ZFHX4: variants seen among roughly 807,000 people sequenced by gnomAD.
The protein encoded by ZFHX4 is zinc finger homeobox protein 4.
In ZFHX4, 56 loss-of-function variants were observed where a neutral mutation model predicts 267.6. The observed-to-expected ratio is 0.21, with a 90% CI of 0.17 to 0.26. The LOEUF is 0.26. ZFHX4 is among the 10% of genes least tolerant of loss of function. The pLI is 1.00. For synonymous variants in ZFHX4, 1,778 were observed against 1,665.6 expected (o/e 1.07, Z -1.64); for missense variants, 4,332 against 4,420.0 (o/e 0.98, Z 0.56).
rs186850472 is a variant in ZFHX4, at chr8:76,854,513, G to A, written c.7592G>A (p.Arg2531Lys). 196 of 1,613,780 alleles carry A rather than the reference G, an allele frequency of 1.2e-4. No individual in the cohort carries two copies. The African/African-American group carries it at 2.3e-3, about 19-fold the overall frequency. Residue 2531 changes from arginine to lysine, a missense_variant, in exon 10 of 11, where the codon AGG (arginine) becomes AAG (lysine). Physicochemically the swap from Arg to Lys is conservative, Grantham distance 26. This residue lies in a region of ZFHX4 where 1,648 missense variants were observed against 1,625.0 expected (regional missense o/e 1.01). Transcript: ENST00000651372. ...TTCCTTCACTCTCCGTTCTTGGAAAGGCCCATGGACATGCCCTACATGATA... is the reference window on the plus strand; with the variant it reads ...TTCCTTCACTCTCCGTTCTTGGAAAAGCCCATGGACATGCCCTACATGATA... ...NQFLHSPFLERPMDMPYMIFD... is the reference protein window; with the variant it reads ...NQFLHSPFLEKPMDMPYMIFD...
intron 4 of ZFHX4, among the ~76,000 whole-genome samples, chr8:76,811,202 A>G (rs1811369235): frequency 1.3e-5 from 2 of 152,192 alleles, no homozygotes; most frequent in African/African-American, 4.8e-5. Context: ...AGAGCCCCAC[A>G]TGACAGTTTT....
chr8:76,851,899 A>G lies in ZFHX4; in HGVS notation c.4978A>G (p.Ser1660Gly). ...LDSMSLAAVN[S>G]KDTHLDAKEL... Reference sequence around the variant, plus strand: ...TTCCATGAGTTTAGCAGCTGTAAACAGCAAAGATACCCATTTAGATGCCAA... The same window carrying G: ...TTCCATGAGTTTAGCAGCTGTAAACGGCAAAGATACCCATTTAGATGCCAA... The change falls in exon 10 of 11, where the codon AGC (serine) becomes GGC (glycine). Residue 1660 changes from serine to glycine, a missense_variant. Coordinates refer to ENST00000651372, the MANE Select transcript of ZFHX4 (RefSeq NM_024721.5). The G allele has an allele frequency of 6.2e-7, 1 of 1,614,018 alleles. No homozygotes were observed. The highest frequency in any genetic ancestry group is 8.5e-7 in the Non-Finnish European group (1 of 1,179,870).
intron 3 of ZFHX4, among the ~76,000 whole-genome samples, chr8:76,717,346 G>A (rs751820848): frequency 6.6e-6 from 1 of 152,146 alleles, no homozygotes; most frequent in Non-Finnish European, 1.5e-5. Context: ...AAAGCCCAAA[G>A]TCTTGATAGA....
chr8:76,709,802 CGTGTGTGTGTGT>C (rs34448728), intron 3 of ZFHX4, among the ~76,000 whole-genome samples: 4 of 140,090 alleles, frequency 2.9e-5, no homozygotes, highest in Non-Finnish European at 4.7e-5. Context: ...CGTGTGTGTG[CGTGTGTGTGTGT>C]GTGTGTGTGT....
intron 10 of ZFHX4, among the ~76,000 whole-genome samples, chr8:76,861,895 C>T (rs1199950100): frequency 6.6e-6 from 1 of 151,756 alleles, no homozygotes; most frequent in Non-Finnish European, 1.5e-5. Context: ...AAACTTTATT[C>T]ACCTTCTCCT....
At chr8:76,728,507 G>A (rs1182144075) in intron 3 of ZFHX4, among the ~76,000 whole-genome samples, 1 of 152,196 alleles carries the variant, frequency 6.6e-6, no homozygotes, top group African/African-American at 2.4e-5. Context: ...AAATCAGTGA[G>A]TGAAAAAGAA....
At chr8:76,727,925 C>A (rs577651479) in intron 3 of ZFHX4, among the ~76,000 whole-genome samples, 1 of 152,256 alleles carries the variant, frequency 6.6e-6, no homozygotes, top group African/African-American at 2.4e-5. Flanking sequence ...CCTGATAGAA[C>A]TTCACCTCAC....
intron 1 of ZFHX4, 103 bp downstream of exon 1, chr8:76,681,723 C>T: frequency 2.9e-6 from 1 of 347,172 alleles, no homozygotes. Flanking sequence ...ATATTTCGCT[C>T]CCTCTCTCTC....
intron 4 of ZFHX4, 76 bp downstream of exon 4, chr8:76,778,515 A>C (rs1585935135): frequency 2.5e-6 from 3 of 1,177,840 alleles, no homozygotes; most frequent in Admixed American, 1.7e-5. Context: ...ACACAAACAC[A>C]CACACACACG....
At chr8:76,835,249 A>ATATATATATATG (rs1812060137) in intron 5 of ZFHX4, among the ~76,000 whole-genome samples, 1 of 93,968 alleles carries the variant, frequency 1.1e-5, no homozygotes, top group Non-Finnish European at 2.1e-5. Context: ...ATGTATATAT[A>ATATATATATATG]TATATATATA....
In ZFHX4 at chr8:76,852,051, G is replaced by T. The variant is rs1812543310; in HGVS notation, c.5130G>T (p.Gln1710His). 2 of 1,613,856 alleles carry T rather than the reference G, an allele frequency of 1.2e-6. No individual in the cohort carries two copies. Among genetic ancestry groups the T allele is most frequent in the Admixed American group, 3.3e-5 (2 of 60,004 alleles). The stretch of plus-strand genomic sequence containing the variant: ...TACAACAGCAAGCCGCATTCTTTCA[G>T]CCTCAGTTTCTAAACCCAGCCTTTT... ...HELQQQAAFF[Q>H]PQFLNPAFLP... The change falls in exon 10 of 11, where the codon CAG becomes CAT. Residue 1710 changes from glutamine to histidine, a missense_variant. Gln to His is a conservative substitution (Grantham distance 24). This residue lies in a region of ZFHX4 where 1,371 missense variants were observed against 1,423.1 expected (regional missense o/e 0.96). Transcript: ENST00000651372.
chr8:76,807,982 A>G (rs1222865678), intron 4 of ZFHX4, among the ~76,000 whole-genome samples: 1 of 152,170 alleles, frequency 6.6e-6, no homozygotes, highest in Non-Finnish European at 1.5e-5. Context: ...CTGGTAGATT[A>G]TCAAAATAAT....
intron 3 of ZFHX4, among the ~76,000 whole-genome samples, chr8:76,738,761 T>C (rs185305069): frequency 1.3e-5 from 2 of 150,722 alleles, no homozygotes; most frequent in Non-Finnish European, 3.0e-5. Context: ...TCTGATAGAG[T>C]CTTGCTCTGT....
chr8:76,762,196 A>T (rs1809932689), intron 3 of ZFHX4, among the ~76,000 whole-genome samples: 1 of 152,140 alleles, frequency 6.6e-6, no homozygotes, highest in Non-Finnish European at 1.5e-5. Context: ...ACCCAATTAT[A>T]TTCTAGGGAT....
At chr8:76,825,001 T>C (rs1811748337) in intron 4 of ZFHX4, among the ~76,000 whole-genome samples, 1 of 152,342 alleles carries the variant, frequency 6.6e-6, no homozygotes, top group East Asian at 1.9e-4. Context: ...AAGAAATCGA[T>C]GTTTAGTCTT....
At chr8:76,694,999 G>C (rs531288317) in intron 1 of ZFHX4, among the ~76,000 whole-genome samples, 3 of 151,966 alleles carry the variant, frequency 2.0e-5, no homozygotes, top group South Asian at 4.2e-4. Context: ...GGGGCGAAAG[G>C]GCTTTTGGAG....
intron 3 of ZFHX4, among the ~76,000 whole-genome samples, chr8:76,751,933 T>TA (rs1197010223): frequency 1.3e-5 from 2 of 152,158 alleles, no homozygotes. Context: ...AGTAGATTAT[T>TA]ATTGCTAGAA....
chr8:76,754,251 G>A (rs1469775568), intron 3 of ZFHX4, among the ~76,000 whole-genome samples: 1 of 152,118 alleles, frequency 6.6e-6, no homozygotes, highest in Non-Finnish European at 1.5e-5. Flanking sequence ...ACTTTGGGAG[G>A]CCAAGAATGG....
chr8:76,852,947 C>A lies in ZFHX4; in HGVS notation c.6026C>A (p.Pro2009His). Residue 2009 changes from proline to histidine, a missense_variant, in exon 10 of 11, where the codon CCT becomes CAT. This residue lies in a region of ZFHX4 where 1,371 missense variants were observed against 1,423.1 expected (regional missense o/e 0.96). Transcript: ENST00000651372. ...GAAACGCCGCCCCCGCCACCTCCTCCTCCTCCCTTGCCTCCGGCTCCTCCA... is the reference window on the plus strand; with the variant it reads ...GAAACGCCGCCCCCGCCACCTCCTCATCCTCCCTTGCCTCCGGCTCCTCCA... ...SPETPPPPPP[P>H]PPLPPAPPQP... 1 of 1,580,194 alleles carries A rather than the reference C, an allele frequency of 6.3e-7. No individual in the cohort carries two copies. Among genetic ancestry groups the A allele is most frequent in the Admixed American group, 1.8e-5 (1 of 54,088 alleles).
Sources: gnomAD v4.1 joint callset for allele counts (sites outside exome capture counted in the v4.1 genomes callset) on GRCh38, gnomAD v4.1.1 for gene constraint, gnomAD v4.1.1 regional missense constraint, MANE v1.5 for transcripts, NCBI Gene and HGNC (gene_info 2026-07-23, HGNC 2026-07-21) for gene names.